The following EPHA2 variants were observed in gnomAD, a reference collection of about 807,000 sequenced individuals.
EPHA2 encodes the protein EPH receptor A2.
EPHA2 carries 54 observed loss-of-function variants against 104.9 expected under a neutral mutation model. The observed-to-expected ratio is 0.51, with a 90% CI of 0.41 to 0.65. EPHA2 has a LOEUF of 0.65. EPHA2 is among the 30% of genes least tolerant of loss of function. The pLI, the probability that EPHA2 is intolerant of heterozygous loss-of-function variation, is 0.00. For missense variants in EPHA2, 1,117 were observed against 1,369.5 expected (o/e 0.82, Z 2.91); for synonymous variants, 560 against 559.1 (o/e 1.00, Z -0.02).
At chr1:16,137,401 A>C (rs1038468557) in intron 5 of EPHA2, among the ~76,000 whole-genome samples, 38 of 152,018 alleles carry the variant, frequency 2.5e-4, no homozygotes, top group Admixed American at 2.5e-3. Context: ...GATCGAGACC[A>C]GCCTGGCCGA....
chr1:16,154,847 G>A (rs541037615), intron 1 of EPHA2, among the ~76,000 whole-genome samples: 3 of 150,350 alleles, frequency 2.0e-5, no homozygotes, highest in Admixed American at 2.0e-4. Flanking sequence ...CGGAAACCTC[G>A]CTCTGCCCAG....
chr1:16,130,348 G>A lies in EPHA2; in HGVS notation c.2547C>T (p.Leu849=), dbSNP rs755096119. 2.5e-6 allele frequency: 4 copies of A among 1,589,994 alleles called. No homozygotes were observed. The highest frequency in any genetic ancestry group is 3.4e-6 in the Non-Finnish European group (4 of 1,162,930). ...GCTCCTGCTGCCAGCACTGCATCATGAGCTGGTAGATGGCGGAGGGGCAGT... is the reference window on the plus strand; with the variant it reads ...GCTCCTGCTGCCAGCACTGCATCATAAGCTGGTAGATGGCGGAGGGGCAGT... ...PMDCPSAIYQ[L]MMQCWQQERA... The change falls in exon 15 of 17, where the codon CTC becomes CTT. Residue 849 remains leucine (L), a synonymous_variant. Coordinates refer to ENST00000358432, the MANE Select transcript of EPHA2 (RefSeq NM_004431.5). The surrounding 1 kb of genome is among the most constrained non-coding windows in gnomAD (Gnocchi z 4.5).
intron 3 of EPHA2, among the ~76,000 whole-genome samples, chr1:16,146,262 C>T (rs1427914526): frequency 2.0e-5 from 3 of 152,170 alleles, no homozygotes; most frequent in Non-Finnish European, 4.4e-5. Context: ...AACTTGTCCT[C>T]CTGCTGGGCT....
rs1229539733 is a variant in EPHA2 at position 16,135,161 on chromosome 1, C to G, written c.1457G>C (p.Arg486Pro). The change falls in exon 7 of 17, where the codon CGC becomes CCC. Residue 486 changes from arginine (R) to proline (P), a missense_variant. By Grantham distance (103) the Arg-to-Pro change is moderately radical. Around this residue, in one of 3 missense-constraint regions of EPHA2, gnomAD observed 664 missense variants for 784.8 expected, o/e 0.85. Coordinates refer to ENST00000358432, the MANE Select transcript of EPHA2 (RefSeq NM_004431.5). This position sits in a 1 kb window ranked among gnomAD's most constrained non-coding sequence, Gnocchi z 4.3. ...KGDSNSYNVRRTEGFSVTLDD... is the reference protein window; with the variant it reads ...KGDSNSYNVRPTEGFSVTLDD... ...CAGGGTCACGGAGAAACCCTCGGTGCGGCGCACATTGTAGCTGTTGGAGTC... is the reference window on the plus strand; with the variant it reads ...CAGGGTCACGGAGAAACCCTCGGTGGGGCGCACATTGTAGCTGTTGGAGTC... 6.2e-7 allele frequency: 1 copy of G among 1,613,928 alleles called. No homozygotes were observed. The highest frequency in any genetic ancestry group is 2.2e-5 in the East Asian group (1 of 44,878).
intron 16 of EPHA2, 64 bp downstream of exon 16, chr1:16,129,370 C>T (rs2024530627): frequency 6.4e-7 from 1 of 1,568,978 alleles, no homozygotes; most frequent in African/African-American, 1.4e-5. Context: ...CTGGGGGGGG[C>T]ATGGAGGCAG....
chr1:16,134,651 C>T lies in EPHA2; in HGVS notation c.1583-84G>A, dbSNP rs1383643551. 2.1e-6 allele frequency: 3 copies of T among 1,420,144 alleles called. No homozygotes were observed. The highest frequency in any genetic ancestry group is 3.8e-5 in the Admixed American group (2 of 52,480). The allele number at this position is 1,420,144 out of a possible 1,614,324, so 88.0% of individuals were successfully genotyped here. A position where few individuals can be genotyped will look rare whatever the true frequency, so the allele number is the denominator to read the frequency against. On this transcript the variant is annotated intron_variant, in intron 7 of 16. Coordinates refer to ENST00000358432, the MANE Select transcript of EPHA2 (RefSeq NM_004431.5). This position sits in a 1 kb window ranked among gnomAD's most constrained non-coding sequence, Gnocchi z 4.5. Reference sequence around the variant, plus strand: ...GCGCTGCACCCAAGACACCTGGGCCCCTACTGTGTGCTGGGTGCTTGCACT... The same window carrying T: ...GCGCTGCACCCAAGACACCTGGGCCTCTACTGTGTGCTGGGTGCTTGCACT...
chr1:16,153,207 C>T, intron 1 of EPHA2: 1 of 985,416 alleles, frequency 1.0e-6, no homozygotes, highest in South Asian at 4.7e-5. Context: ...GTCCACATTG[C>T]TCCACAGCTT....
intron 3 of EPHA2, among the ~76,000 whole-genome samples, chr1:16,142,799 GTGGA>G (rs527708297): frequency 6.7e-6 from 1 of 148,888 alleles, no homozygotes; most frequent in Non-Finnish European, 1.5e-5. Context: ...AGGTGGATGA[GTGGA>G]TGGATGGATG....
rs1378641059 is a variant in EPHA2 at position 16,125,138 on chromosome 1, C to A, written c.*77G>T. On this transcript the variant is annotated 3_prime_UTR_variant, in exon 17 of 17. Coordinates refer to ENST00000358432, the MANE Select transcript of EPHA2 (RefSeq NM_004431.5). The surrounding 1 kb of genome is among the most constrained non-coding windows in gnomAD (Gnocchi z 4.9). ...AGAAATAAATAAAGTCCCCAGTGGC[C>A]CAGCATGGCACAGCAGGGAGGCCAC... 1 of 1,360,694 alleles carries A rather than the reference C, an allele frequency of 7.3e-7. No homozygotes were observed. The highest frequency in any genetic ancestry group is 1.0e-6 in the Non-Finnish European group (1 of 964,284). 84.3% of individuals were successfully genotyped at this position (1,360,694 alleles called of 1,614,324 possible).
intron 4 of EPHA2, 33 bp downstream of exon 4, chr1:16,138,242 A>T (rs764897782): frequency 6.2e-7 from 1 of 1,612,826 alleles, no homozygotes; most frequent in Admixed American, 1.7e-5. Flanking sequence ...CGTCACCCTC[A>T]GTCACGCCAC....
rs776961537 is a variant in EPHA2 at position 16,138,005 on chromosome 1, T to G, written c.1160A>C (p.Glu387Ala). The change falls in exon 5 of 17, where the codon GAG (glutamate) becomes GCG (alanine). Residue 387 changes from glutamate (E) to alanine (A), a missense_variant. Glu to Ala is a moderately radical substitution (Grantham distance 107). This residue lies in a region of EPHA2 where 664 missense variants were observed against 784.8 expected (regional missense o/e 0.85). Coordinates refer to ENST00000358432, the MANE Select transcript of EPHA2 (RefSeq NM_004431.5). ...GPCEASVRYS[E>A]PPHGLTRTSV... ...GGTGCGGGTCAGTCCGTGAGGAGGC[T>G]CCGAGTAGCGCACACTGGCCTCACA... The G allele has an allele frequency of 6.2e-7, 1 of 1,613,972 alleles. No homozygotes were observed. The highest frequency in any genetic ancestry group is 1.1e-5 in the South Asian group (1 of 91,090).
chr1:16,126,775 C>T lies in EPHA2; in HGVS notation c.2826-1455G>A, dbSNP rs570849983. Among the ~76,000 whole-genome samples, 5 of 152,220 alleles carry T rather than the reference C, an allele frequency of 3.3e-5. No individual in the cohort carries two copies. The East Asian group carries it at 9.7e-4, about 29-fold the overall frequency. On this transcript the variant is annotated intron_variant, in intron 16 of 16. Coordinates refer to ENST00000358432, the MANE Select transcript of EPHA2 (RefSeq NM_004431.5). ...GCAAGGAGTCTGCATTTGGTTGAAT[C>T]CCAGAAGAAACCTGACATCCGGTTT...
intron 1 of EPHA2, among the ~76,000 whole-genome samples, chr1:16,154,696 C>T (rs987533834): frequency 3.8e-5 from 5 of 131,358 alleles, no homozygotes; most frequent in Non-Finnish European, 6.1e-5. Context: ...GCAGAGGTTG[C>T]AGTGAGCCGA....
chr1:16,126,924 A>T (rs2024481322), intron 16 of EPHA2, among the ~76,000 whole-genome samples: 4 of 152,064 alleles, frequency 2.6e-5, no homozygotes, highest in Admixed American at 2.6e-4. Flanking sequence ...GGCCTGGCAC[A>T]TAGTAGGTCC....
chr1:16,152,636 G>A (rs1278643784), intron 1 of EPHA2, among the ~76,000 whole-genome samples: 1 of 152,222 alleles, frequency 6.6e-6, no homozygotes, highest in African/African-American at 2.4e-5. Context: ...CCTGATTTCA[G>A]CTGGGTGGGT....
intron 4 of EPHA2, 34 bp from the exon 5 acceptor site, chr1:16,138,219 A>G: frequency 6.2e-7 from 1 of 1,611,736 alleles, no homozygotes. Context: ...GCTGTGCTGG[A>G]CCCAGGCGGA....
At chr1:16,127,146 C>T (rs1033861625) in intron 16 of EPHA2, among the ~76,000 whole-genome samples, 10 of 152,166 alleles carry the variant, frequency 6.6e-5, no homozygotes, top group African/African-American at 1.4e-4. Context: ...TGCAGGGAGA[C>T]GGGAGTAAGA....
chr1:16,152,511 C>T (rs865924384), intron 1 of EPHA2, among the ~76,000 whole-genome samples: 16 of 68,566 alleles, frequency 2.3e-4, no homozygotes, highest in African/African-American at 6.2e-4. Flanking sequence ...CTGGGGGCAG[C>T]GGGGTGGGCA....
rs1290803425 is a variant in EPHA2, at chr1:16,138,346, C to T, written c.908G>A (p.Gly303Asp). The T allele has an allele frequency of 5.0e-6, 8 of 1,613,744 alleles. No homozygotes were observed. Among genetic ancestry groups the T allele is most frequent in the Non-Finnish European group, 5.9e-6 (7 of 1,179,994 alleles). The change falls in exon 4 of 17, where the codon GGT becomes GAT. Residue 303 changes from glycine to aspartate, a missense_variant. By Grantham distance (94) the Gly-to-Asp change is moderately conservative. Around this residue, in one of 3 missense-constraint regions of EPHA2, gnomAD observed 664 missense variants for 784.8 expected, o/e 0.85. Transcript: ENST00000358432. ...CPEHTLPSPE[G>D]ATSCECEEGF... Reference sequence around the variant, plus strand: ...TTCCTCACACTCGCAGGAGGTGGCACCCTCAGGGGATGGCAGCGTGTGCTC... The same window carrying T: ...TTCCTCACACTCGCAGGAGGTGGCATCCTCAGGGGATGGCAGCGTGTGCTC...
Sources: allele counts gnomAD v4.1 joint callset (sites outside exome capture counted in the v4.1 genomes callset), GRCh38; gene constraint gnomAD v4.1.1; regional missense constraint gnomAD v4.1.1; non-coding constraint Gnocchi (gnomAD v3.1); transcripts MANE v1.5; gene names NCBI Gene and HGNC (gene_info 2026-07-23, HGNC 2026-07-21).